Variants in ZEB1 observed in about 807,000 individuals in gnomAD.
ZEB1 encodes the protein zinc finger E-box-binding homeobox 1.
A neutral mutation model predicts 84.9 loss-of-function variants in ZEB1; 21 were observed. That is an observed-to-expected ratio of 0.25 (90% CI 0.18 to 0.36). The LOEUF is 0.36. Ranked by LOEUF, ZEB1 falls within the 10% of genes least tolerant of loss-of-function variation. ZEB1 has a pLI of 1.00. For synonymous variants in ZEB1, 420 were observed against 471.1 expected (o/e 0.89, Z 1.41); for missense variants, 1,104 against 1,330.2 (o/e 0.83, Z 2.65).
intron 1 of ZEB1, among the ~76,000 whole-genome samples, chr10:31,431,213 G>A (rs2057669648): frequency 6.6e-6 from 1 of 152,154 alleles, no homozygotes; most frequent in Admixed American, 6.6e-5. Flanking sequence ...TATCTTTGTT[G>A]TTGACCAGAA....
intron 1 of ZEB1, among the ~76,000 whole-genome samples, chr10:31,446,264 C>A (rs950343724): frequency 1.3e-5 from 2 of 151,922 alleles, no homozygotes; most frequent in Non-Finnish European, 2.9e-5. Flanking sequence ...GTGGTGATAT[C>A]CCCTTTATCA....
At chr10:31,335,060 A>C (rs893738910) in intron 1 of ZEB1, among the ~76,000 whole-genome samples, 2 of 152,160 alleles carry the variant, frequency 1.3e-5, no homozygotes, top group African/African-American at 4.8e-5. Context: ...TCTTTAACTC[A>C]GACCTATGTA....
intron 2 of ZEB1, among the ~76,000 whole-genome samples, chr10:31,464,365 AAAAAG>A (rs1330260153): frequency 6.6e-6 from 1 of 152,126 alleles, no homozygotes; most frequent in Non-Finnish European, 1.5e-5. Context: ...AAAAAAAAGA[AAAAAG>A]AAAAGATATG....
intron 1 of ZEB1, among the ~76,000 whole-genome samples, chr10:31,351,026 A>G (rs898260336): frequency 9.2e-5 from 14 of 152,072 alleles, no homozygotes; most frequent in Non-Finnish European, 1.2e-4. Context: ...CTCCCCCATT[A>G]TGTTCACTTT....
At chr10:31,501,622 C>T (rs1268765877) in intron 3 of ZEB1, among the ~76,000 whole-genome samples, 1 of 135,768 alleles carries the variant, frequency 7.4e-6, no homozygotes, top group African/African-American at 3.3e-5. Flanking sequence ...AAGTAGAGCT[C>T]CCCCCCCCAT....
Position 31,465,071 on chromosome 10 carries a change from G to C in ZEB1, c.259+3834G>C, listed in dbSNP as rs112286619. On this transcript the variant is annotated intron_variant, in intron 2 of 8. Coordinates refer to ENST00000424869, the MANE Select transcript of ZEB1 (RefSeq NM_001174096.2). ...CTTAATTTTACATTTTAAAATAAAA[G>C]AGTATAATTGGATTGTTTGTAACTC... is the stretch of plus-strand genomic sequence containing the variant. Among the ~76,000 whole-genome samples, 638 of 152,216 alleles carry C rather than the reference G, an allele frequency of 4.2e-3. 6 individuals carry two copies. Among genetic ancestry groups the C allele is most frequent in the Middle Eastern group, 0.014 (4 of 294 alleles).
chr10:31,420,431 T>C (rs1267738910), intron 1 of ZEB1, among the ~76,000 whole-genome samples: 1 of 152,070 alleles, frequency 6.6e-6, no homozygotes, highest in Non-Finnish European at 1.5e-5. Context: ...TGTAGGAAGG[T>C]TGCTTCTCTC....
At chr10:31,360,856 C>A in intron 1 of ZEB1, 1 of 907,906 alleles carries the variant, frequency 1.1e-6, no homozygotes, top group Non-Finnish European at 1.8e-6. Context: ...TTTGCATTTA[C>A]TAGTGCCACA....
intron 1 of ZEB1, among the ~76,000 whole-genome samples, chr10:31,327,128 G>A (rs2035717498): frequency 1.2e-5 from 1 of 85,916 alleles, no homozygotes; most frequent in Admixed American, 1.5e-4. Flanking sequence ...TTTTGAGACA[G>A]TTTGACAGTT....
At position 31,429,744 on chromosome 10, in the gene ZEB1, T is replaced by A. The variant is rs1187045344; in HGVS notation, c.59-31293T>A. Among the ~76,000 whole-genome samples the A allele has an allele frequency of 1.3e-3, 184 of 139,202 alleles. 1 individual carries two copies. Among genetic ancestry groups the A allele is most frequent in the African/African-American group, 4.6e-3 (166 of 36,208 alleles). The allele number at this position is 139,202 out of a possible 152,430, so 91.3% of individuals were successfully genotyped here. On this transcript the variant is annotated intron_variant, in intron 1 of 8. Coordinates refer to ENST00000424869, the MANE Select transcript of ZEB1 (RefSeq NM_001174096.2). ...ACTTACAGGCAGAACTTTTTTTTTT[T>A]TTTTTTTTTTTTTTTTGAGACGAAG...
intron 1 of ZEB1, among the ~76,000 whole-genome samples, chr10:31,435,209 G>T (rs1192284842): frequency 6.6e-6 from 1 of 152,204 alleles, no homozygotes; most frequent in Non-Finnish European, 1.5e-5. Flanking sequence ...AAGGGGCCAT[G>T]TGCCAAGGAA....
rs1000091758 is a variant in ZEB1 at position 31,528,269 on chromosome 10, T to A, written c.*1005T>A. On this transcript the variant is annotated 3_prime_UTR_variant, in exon 9 of 9. Coordinates refer to ENST00000424869, the MANE Select transcript of ZEB1 (RefSeq NM_001174096.2). ...CCAAATAAAACTTAAAACCACTGAC[T>A]CTGTCAGAGAAACTGAAACACTGGG... is the stretch of plus-strand genomic sequence containing the variant. 2.0e-5 allele frequency: 3 copies of A among 152,208 alleles called. No homozygotes were observed. Among genetic ancestry groups the A allele is most frequent in the Non-Finnish European group, 2.9e-5 (2 of 68,028 alleles). 9.4% of individuals were successfully genotyped at this position (152,208 alleles called of 1,614,324 possible). A position where few individuals can be genotyped will look rare whatever the true frequency, so the allele number is the denominator to read the frequency against.
intron 1 of ZEB1, among the ~76,000 whole-genome samples, chr10:31,418,775 T>C (rs1449747640): frequency 6.6e-6 from 1 of 152,082 alleles, no homozygotes; most frequent in East Asian, 1.9e-4. Flanking sequence ...GGAATTTACT[T>C]TCATCTATTC....
At chr10:31,457,514 T>A (rs1301790605) in intron 1 of ZEB1, among the ~76,000 whole-genome samples, 1 of 152,154 alleles carries the variant, frequency 6.6e-6, no homozygotes, top group East Asian at 1.9e-4. Flanking sequence ...ATACATTGAT[T>A]TTTTGGATTT....
At chr10:31,399,270 C>T (rs1203521736) in intron 1 of ZEB1, among the ~76,000 whole-genome samples, 3 of 152,154 alleles carry the variant, frequency 2.0e-5, no homozygotes, top group African/African-American at 7.2e-5. Flanking sequence ...GCTGGGATTA[C>T]AGATGTGAGC....
chr10:31,408,135 C>G (rs2053508623), intron 1 of ZEB1, among the ~76,000 whole-genome samples: 1 of 151,764 alleles, frequency 6.6e-6, no homozygotes, highest in African/African-American at 2.4e-5. Context: ...GAGTGAACTC[C>G]CATTCACAAT....
At chr10:31,394,274 G>C (rs1417609137) in intron 1 of ZEB1, among the ~76,000 whole-genome samples, 2 of 152,194 alleles carry the variant, frequency 1.3e-5, no homozygotes, top group Non-Finnish European at 2.9e-5. Flanking sequence ...GACACGGAGA[G>C]AGGGAAAGAT....
chr10:31,424,304 A>C (rs1239088429), intron 1 of ZEB1, among the ~76,000 whole-genome samples: 1 of 151,960 alleles, frequency 6.6e-6, no homozygotes, highest in Non-Finnish European at 1.5e-5. Context: ...TAGATCAACA[A>C]ATTGATTATT....
intron 2 of ZEB1, among the ~76,000 whole-genome samples, chr10:31,494,531 T>A (rs1456078625): frequency 6.6e-6 from 1 of 151,988 alleles, no homozygotes; most frequent in Non-Finnish European, 1.5e-5. Flanking sequence ...TGATTAGTGC[T>A]CTATTTCTCA....
Sources: allele counts gnomAD v4.1 joint callset (sites outside exome capture counted in the v4.1 genomes callset), GRCh38; gene constraint gnomAD v4.1.1; transcripts MANE v1.5; gene names NCBI Gene and HGNC (gene_info 2026-07-23, HGNC 2026-07-21).